The following GRM8 variants were observed in gnomAD, a reference collection of about 807,000 sequenced individuals.
GRM8 encodes metabotropic glutamate receptor 8.
In GRM8, 47 loss-of-function variants were observed where a neutral mutation model predicts 87.2. The ratio of observed to expected loss-of-function variants is 0.54; its 90% CI spans 0.43 to 0.69. GRM8 has a LOEUF of 0.69. GRM8 is among the 30% of genes least tolerant of loss of function. The pLI is 0.00. For missense variants in GRM8, 1,019 were observed against 1,139.2 expected (o/e 0.89, Z 1.52); for synonymous variants, 396 against 404.5 (o/e 0.98, Z 0.25).
chr7:126,981,630 C>T (rs928898328), intron 3 of GRM8: 2 of 152,212 alleles, frequency 1.3e-5, no homozygotes, highest in African/African-American at 4.8e-5. Flanking sequence ...GAGCCAATCA[C>T]CTCTTAAAGT....
chr7:126,498,809 C>T (rs2150683111), intron 9 of GRM8, among the ~76,000 whole-genome samples: 1 of 152,002 alleles, frequency 6.6e-6, no homozygotes, highest in Middle Eastern at 3.4e-3. Flanking sequence ...TTAGGACTTT[C>T]ATTATGTGAA....
intron 8 of GRM8, among the ~76,000 whole-genome samples, chr7:126,557,252 G>A (rs1399239981): frequency 2.0e-5 from 3 of 152,114 alleles, no homozygotes; most frequent in African/African-American, 4.8e-5. Context: ...CAAAGGCAGC[G>A]GTATTAGGGT....
At chr7:127,030,463 T>C (rs1238183220) in intron 3 of GRM8, among the ~76,000 whole-genome samples, 1 of 152,106 alleles carries the variant, frequency 6.6e-6, no homozygotes, top group Non-Finnish European at 1.5e-5. Flanking sequence ...GTCCTCAACT[T>C]TGAGCCAAAG....
intron 2 of GRM8, among the ~76,000 whole-genome samples, chr7:127,194,434 C>T (rs1795179770): frequency 6.6e-6 from 1 of 152,134 alleles, no homozygotes; most frequent in Admixed American, 6.6e-5. Flanking sequence ...CATTCTACTT[C>T]CAAGGCTTAT....
intron 6 of GRM8, among the ~76,000 whole-genome samples, chr7:126,871,041 T>C (rs74652962): frequency 0.012 from 1,760 of 152,276 alleles, 15 homozygotes; most frequent in Non-Finnish European, 0.019. Flanking sequence ...AAATCCCACA[T>C]CTTGTAAATG....
intron 7 of GRM8, among the ~76,000 whole-genome samples, chr7:126,719,542 T>C (rs1812137790): frequency 6.6e-6 from 1 of 152,216 alleles, no homozygotes; most frequent in Admixed American, 6.5e-5. Flanking sequence ...TACATGAAAG[T>C]ATGCTGTTGT....
At chr7:126,778,771 C>T (rs1418663941) in intron 6 of GRM8, among the ~76,000 whole-genome samples, 1 of 152,138 alleles carries the variant, frequency 6.6e-6, no homozygotes, top group African/African-American at 2.4e-5. Context: ...ATGCTACCCC[C>T]ACCCCCAATA....
rs1803518075 is a variant in GRM8, at chr7:126,649,244, A to AT, written c.1358-39747dup. ...GAGGGTGTTGCCAAAGGAGATTAAC[A>AT]TTGAATCAGTGGGCTGTGAAAGGCA... is the stretch of plus-strand genomic sequence containing the variant. On this transcript the variant is annotated intron_variant, in intron 7 of 10. Transcript: ENST00000339582. Among the ~76,000 whole-genome samples, 4 of 152,302 alleles carry AT rather than the reference A, an allele frequency of 2.6e-5. No individual in the cohort carries two copies. In the South Asian group the frequency reaches 6.2e-4, roughly 24 times the overall value.
intron 6 of GRM8, among the ~76,000 whole-genome samples, chr7:126,812,241 G>T (rs980181194): frequency 3.3e-5 from 5 of 151,952 alleles, no homozygotes; most frequent in African/African-American, 1.2e-4. Flanking sequence ...ATGATTTAAA[G>T]TATAGTCATG....
chr7:127,251,882 G>A (rs967349240), intron 1 of GRM8, among the ~76,000 whole-genome samples: 4 of 152,164 alleles, frequency 2.6e-5, no homozygotes, highest in African/African-American at 9.7e-5. Flanking sequence ...CACAAAAGAG[G>A]GGCACGGAAA....
intron 2 of GRM8, among the ~76,000 whole-genome samples, chr7:127,116,203 T>C (rs1318826794): frequency 6.6e-6 from 1 of 152,228 alleles, no homozygotes; most frequent in Non-Finnish European, 1.5e-5. Flanking sequence ...AATTTTGCCT[T>C]TTTAAAAAAT....
chr7:126,575,977 C>G (rs1050553727), intron 8 of GRM8, among the ~76,000 whole-genome samples: 1 of 152,136 alleles, frequency 6.6e-6, no homozygotes, highest in African/African-American at 2.4e-5. Context: ...GAGGCAACCA[C>G]TGTGTAATGC....
intron 3 of GRM8, among the ~76,000 whole-genome samples, chr7:127,029,917 G>C (rs1358526761): frequency 6.6e-6 from 1 of 151,982 alleles, no homozygotes; most frequent in African/African-American, 2.4e-5. Context: ...TATGTCCTCT[G>C]TCCCCCAACC....
intron 8 of GRM8, among the ~76,000 whole-genome samples, chr7:126,601,781 T>A (rs1797803745): frequency 6.9e-6 from 1 of 144,550 alleles, no homozygotes; most frequent in African/African-American, 2.6e-5. Flanking sequence ...ATGGGGTTGT[T>A]TGTTTTTTTC....
At chr7:127,126,366 A>G (rs774942140) in intron 2 of GRM8, among the ~76,000 whole-genome samples, 33 of 151,912 alleles carry the variant, frequency 2.2e-4, no homozygotes, top group Non-Finnish European at 4.7e-4. Context: ...CTTAAGTGAA[A>G]TTACTCAGAA....
In GRM8 at chr7:126,805,872, G is replaced by C. The variant is rs140780642; in HGVS notation, c.1157-35807C>G. Among the ~76,000 whole-genome samples the C allele has an allele frequency of 2.8e-3, 432 of 152,248 alleles. 5 individuals carry two copies. The highest frequency in any genetic ancestry group is 0.01 in the African/African-American group (416 of 41,558). On this transcript the variant is annotated intron_variant, in intron 6 of 10. Transcript: ENST00000339582. ...GTCCTATAAGCCTATAGTTTGAGCT[G>C]GTCTCACAGACTTTCGGTTCTCTCC...
At chr7:126,847,658 C>T (rs1796828276) in intron 6 of GRM8, among the ~76,000 whole-genome samples, 1 of 152,096 alleles carries the variant, frequency 6.6e-6, no homozygotes, top group South Asian at 2.1e-4. Context: ...TGCATTTTGG[C>T]TCAGGGATCC....
chr7:126,676,564 A>G (rs1343155074), intron 7 of GRM8, among the ~76,000 whole-genome samples: 1 of 152,206 alleles, frequency 6.6e-6, no homozygotes, highest in Admixed American at 6.5e-5. Context: ...ACTCAGAAAT[A>G]AAGCCAAATA....
chr7:126,676,850 C>A (rs911403292), intron 7 of GRM8, among the ~76,000 whole-genome samples: 1 of 151,962 alleles, frequency 6.6e-6, no homozygotes, highest in East Asian at 1.9e-4. Context: ...AAAGCGAATG[C>A]AATAAAAAGA....
Sources: gnomAD v4.1 joint callset for allele counts (sites outside exome capture counted in the v4.1 genomes callset) on GRCh38, gnomAD v4.1.1 for gene constraint, MANE v1.5 for transcripts, NCBI Gene and HGNC (gene_info 2026-07-23, HGNC 2026-07-21) for gene names.